Variants in WDFY4 observed in about 807,000 individuals in gnomAD.
WDFY4 encodes WDFY family member 4, also known as WD repeat- and FYVE domain-containing protein 4.
WDFY4 carries 169 observed loss-of-function variants against 351.9 expected under a neutral mutation model. The ratio of observed to expected loss-of-function variants is 0.48; its 90% CI spans 0.42 to 0.55. WDFY4 has a LOEUF of 0.55. Among genes scored for constraint, WDFY4 ranks in the 20% least tolerant of loss-of-function variants. WDFY4 has a pLI of 0.00. For synonymous variants in WDFY4, 1,622 were observed against 1,574.6 expected, an observed-to-expected ratio of 1.03 and a Z score of -0.71; for missense variants, 3,803 against 3,935.6, an observed-to-expected ratio of 0.97 and a Z score of 0.90.
At chr10:48,824,123 C>T (rs2067918019) in intron 35 of WDFY4, 1 of 985,414 alleles carries the variant, frequency 1.0e-6, no homozygotes, top group Non-Finnish European at 1.2e-6. Flanking sequence ...TCTACTTCTC[C>T]CTCTAAGTTT....
chr10:48,783,427 AACCCCCAG>A, intron 19 of WDFY4, among the ~76,000 whole-genome samples: 1 of 151,920 alleles, frequency 6.6e-6, no homozygotes, highest in Non-Finnish European at 1.5e-5. Context: ...AAGGATATGG[AACCCCCAG>A]ATATGCAGGG....
chr10:48,703,879 CTGCAGGGTGGGTGGGG>C (rs1286891438), intron 1 of WDFY4, among the ~76,000 whole-genome samples: 6 of 152,144 alleles, frequency 3.9e-5, no homozygotes, highest in Non-Finnish European at 8.8e-5. Flanking sequence ...CTATGTATCC[CTGCAGGGTGGGTGGGG>C]TGCAGGGTGA....
rs140873980 is a variant in WDFY4 at position 48,947,273 on chromosome 10, A to G, written c.7977+304A>G. Among the ~76,000 whole-genome samples, 4 of 152,348 alleles carry G rather than the reference A, an allele frequency of 2.6e-5. 1 individual carries two copies. The highest frequency in any genetic ancestry group is 4.1e-4 in the South Asian group (2 of 4,832). ...TAAATAAGATTTAGTGGAAAAAGAA[A>G]AAGCAGGAAACTTGGAGACTAGAAA... On this transcript the variant is annotated intron_variant, in intron 51 of 61. Coordinates refer to ENST00000325239, the MANE Select transcript of WDFY4 (RefSeq NM_001394531.1).
chr10:48,914,164 A>G, intron 47 of WDFY4: 1 of 1,608,574 alleles, frequency 6.2e-7, no homozygotes, highest in East Asian at 2.2e-5. Flanking sequence ...ATGTTCTTTT[A>G]GTAAGGGAGT....
chr10:48,704,684 G>C (rs115916571), intron 1 of WDFY4, among the ~76,000 whole-genome samples: 1,536 of 152,264 alleles, frequency 0.01, 27 homozygotes, highest in African/African-American at 0.034. Context: ...TGCACTGCTG[G>C]GGGTGTGCTG....
At chr10:48,863,251 T>A (rs1484025994) in intron 39 of WDFY4, among the ~76,000 whole-genome samples, 1 of 152,228 alleles carries the variant, frequency 6.6e-6, no homozygotes, top group African/African-American at 2.4e-5. Context: ...CTTTATTTAA[T>A]CATTTGAATA....
intron 12 of WDFY4, 114 bp from the exon 13 acceptor site, chr10:48,760,233 A>G: frequency 1.1e-6 from 1 of 931,878 alleles, no homozygotes; most frequent in Admixed American, 2.3e-5. Context: ...TCTAGGTAAT[A>G]AGACAGGATG....
chr10:48,766,598 A>G (rs941448585), intron 13 of WDFY4, among the ~76,000 whole-genome samples: 1 of 152,200 alleles, frequency 6.6e-6, no homozygotes, highest in Non-Finnish European at 1.5e-5. Flanking sequence ...TGTCTCAAAA[A>G]AAACCTAAAA....
At chr10:48,786,544 A>C in intron 19 of WDFY4, 95 bp from the exon 20 acceptor site, 2 of 895,682 alleles carry the variant, frequency 2.2e-6, no homozygotes, top group Non-Finnish European at 3.2e-6. Context: ...TTACTATGAG[A>C]TGAGAATAAG....
At chr10:48,864,911 C>T (rs2069487153) in intron 39 of WDFY4, among the ~76,000 whole-genome samples, 1 of 152,108 alleles carries the variant, frequency 6.6e-6, no homozygotes, top group Non-Finnish European at 1.5e-5. Context: ...GTGTTTTGAT[C>T]TTGTACACTG....
chr10:48,772,337 C>T (rs951343083), intron 13 of WDFY4, among the ~76,000 whole-genome samples: 4 of 151,994 alleles, frequency 2.6e-5, no homozygotes, highest in Non-Finnish European at 5.9e-5. Context: ...TGTGTGTGCA[C>T]ACAGGCATGT....
Position 48,731,525 on chromosome 10 carries a change from A to G in WDFY4, c.1545A>G (p.Ala515=). Residue 515 remains alanine, a synonymous_variant, in exon 9 of 62, where the codon GCA becomes GCG. Transcript: ENST00000325239. ...CAGGGCTCCTGGGCCTGCTACTGGC[A>G]CAGCTTCGGAAGCAAGCCAAGATCA... is the stretch of plus-strand genomic sequence containing the variant. The part of the protein sequence containing the change: ...RDSGLLGLLL[A]QLRKQAKIMR... 6.4e-7 allele frequency: 1 copy of G among 1,551,348 alleles called. No individual in the cohort carries two copies. The highest frequency in any genetic ancestry group is 8.7e-7 in the Non-Finnish European group (1 of 1,146,964).
rs541193432 is a variant in WDFY4, at chr10:48,943,474, A to T, written c.7749+25A>T. On this transcript the variant is annotated intron_variant, in intron 49 of 61. Coordinates refer to ENST00000325239, the MANE Select transcript of WDFY4 (RefSeq NM_001394531.1). ...GGTAAGTTCCTCACGTGGAAACCAC[A>T]GCTGCCCTCAGGTGTTCGGACGTTG... 9.2e-5 allele frequency: 142 copies of T among 1,548,804 alleles called. 1 individual carries two copies. The East Asian group carries it at 3.4e-3, about 37-fold the overall frequency.
intron 39 of WDFY4, among the ~76,000 whole-genome samples, chr10:48,855,841 T>C (rs2069113735): frequency 6.6e-6 from 1 of 152,124 alleles, no homozygotes; most frequent in Non-Finnish European, 1.5e-5. Flanking sequence ...ATAACTTTTG[T>C]TACAGTATAT....
intron 39 of WDFY4, among the ~76,000 whole-genome samples, chr10:48,855,594 A>G (rs1468838908): frequency 3.9e-5 from 6 of 152,138 alleles, no homozygotes; most frequent in Non-Finnish European, 8.8e-5. Context: ...TGTATATTTT[A>G]TCTATTCATA....
chr10:48,980,629 T>C (rs1162818103), intron 60 of WDFY4, among the ~76,000 whole-genome samples: 1 of 152,224 alleles, frequency 6.6e-6, no homozygotes, highest in Non-Finnish European at 1.5e-5. Flanking sequence ...AATGTACAAA[T>C]GCCTGGTGTG....
At chr10:48,747,364 A>T (rs1191766030) in intron 12 of WDFY4, among the ~76,000 whole-genome samples, 1 of 152,164 alleles carries the variant, frequency 6.6e-6, no homozygotes, top group East Asian at 1.9e-4. Flanking sequence ...TTTGCTTCAT[A>T]TTCATTGGGA....
At position 48,821,286 on chromosome 10, in the gene WDFY4, A is replaced by G. The variant is rs2067815158; in HGVS notation, c.5824+110A>G. On this transcript the variant is annotated intron_variant, in intron 34 of 61. Transcript: ENST00000325239. ...ACCCTAGCTGTGGGATGCTGCCTCCACCTGGCGTCAGTCCCTCCAGGCATC... is the reference window on the plus strand; with the variant it reads ...ACCCTAGCTGTGGGATGCTGCCTCCGCCTGGCGTCAGTCCCTCCAGGCATC... 3 of 827,942 alleles carry G rather than the reference A, an allele frequency of 3.6e-6. No individual in the cohort carries two copies. In the Admixed American group the frequency reaches 6.3e-5, roughly 17 times the overall value. 51.3% of individuals were successfully genotyped at this position (827,942 alleles called of 1,614,324 possible).
At chr10:48,885,074 T>C (rs1765252321) in intron 43 of WDFY4, among the ~76,000 whole-genome samples, 1 of 152,220 alleles carries the variant, frequency 6.6e-6, no homozygotes, top group South Asian at 2.1e-4. Flanking sequence ...AAACCTTTTT[T>C]TTTTCTTAGC....
Sources: gnomAD v4.1 joint callset for allele counts (sites outside exome capture counted in the v4.1 genomes callset) on GRCh38, gnomAD v4.1.1 for gene constraint, MANE v1.5 for transcripts, NCBI Gene and HGNC (gene_info 2026-07-23, HGNC 2026-07-21) for gene names.